CCDC40: variants seen among roughly 807,000 people sequenced by gnomAD.
The protein encoded by CCDC40 is coiled-coil domain-containing protein 40.
Under a neutral mutation model 124.5 loss-of-function variants are expected in CCDC40, and 104 were observed. The ratio of observed to expected loss-of-function variants is 0.84; its 90% CI spans 0.71 to 0.98. CCDC40 has a LOEUF of 0.98. Ranked by LOEUF, CCDC40 falls within the 50% of genes least tolerant of loss-of-function variation. The probability of loss-of-function intolerance (pLI) is 0.00; values close to 1 mark genes in which losing one functional copy is unlikely to be tolerated. For synonymous variants in CCDC40, 580 were observed against 602.9 expected, an observed-to-expected ratio of 0.96 and a Z score of 0.56; for missense variants, 1,463 against 1,503.9, an observed-to-expected ratio of 0.97 and a Z score of 0.45.
intron 9 of CCDC40, among the ~76,000 whole-genome samples, chr17:80,059,683 C>T (rs1269558212): frequency 1.3e-5 from 2 of 152,050 alleles, no homozygotes; most frequent in East Asian, 3.9e-4. Context: ...CCTCAGCCTC[C>T]AGAGTGGCTG....
chr17:80,088,528 A>C, intron 16 of CCDC40: 1 of 289,896 alleles, frequency 3.4e-6, no homozygotes. Context: ...CTGGGATTAC[A>C]TTCATGAGCC....
At chr17:80,064,567 G>A (rs1290451662) in intron 9 of CCDC40, among the ~76,000 whole-genome samples, 9 of 152,112 alleles carry the variant, frequency 5.9e-5, no homozygotes, top group Admixed American at 3.3e-4. Context: ...AGGCACAGCG[G>A]GTGAGATTCA....
intron 9 of CCDC40, among the ~76,000 whole-genome samples, chr17:80,059,424 G>T (rs2037839631): frequency 6.6e-6 from 1 of 150,760 alleles, no homozygotes; most frequent in African/African-American, 2.4e-5. Context: ...GGTGAAAGCT[G>T]CTCCCTCTTG....
rs1318903980 is a variant in CCDC40 at position 80,066,037 on chromosome 17, C to T, written c.1562+431C>T. 1 of 696,594 alleles carries T rather than the reference C, an allele frequency of 1.4e-6. No individual in the cohort carries two copies. Among genetic ancestry groups the T allele is most frequent in the East Asian group, 2.7e-5 (1 of 37,160 alleles). The allele number at this position is 696,594 out of a possible 1,614,324, so 43.2% of individuals were successfully genotyped here. ...AAGGAAGGGGAGGAAGAGGCCTCCT[C>T]TGGGCATCCCCTCACTTCTGGGGAT... is the stretch of plus-strand genomic sequence containing the variant. On this transcript the variant is annotated intron_variant, in intron 10 of 19. Transcript: ENST00000397545. The surrounding 1 kb of genome is among the most constrained non-coding windows in gnomAD (Gnocchi z 4.4).
Position 80,049,058 on chromosome 17 carries a change from A to G in CCDC40, c.855+297A>G, listed in dbSNP as rs28645791. The stretch of plus-strand genomic sequence containing the variant: ...ACAGCATCCCCGAGCTCCCCCTGCT[A>G]CATGCCAGGAGCACCACCCCCCCGC... On this transcript the variant is annotated intron_variant, in intron 5 of 19. Transcript: ENST00000397545. 0.32 allele frequency among the ~76,000 whole-genome samples: 48,371 copies of G among 151,570 alleles called. 10,484 individuals carry two copies. Among genetic ancestry groups the G allele is most frequent in the African/African-American group, 0.62 (25,656 of 41,214 alleles).
Position 80,084,781 on chromosome 17 carries a change from G to A in CCDC40, c.2028G>A (p.Gln676=). Residue 676 remains glutamine, a synonymous_variant, in exon 13 of 20, where the codon CAG becomes CAA. Transcript: ENST00000397545. ...HLSKINGDIA[Q]TTLDITHTSS... is the part of the protein sequence containing the mutation. Reference sequence around the variant, plus strand: ...CCAAAATCAACGGTGACATTGCCCAGACCACCCTGGACATCACACACACCA... The same window carrying A: ...CCAAAATCAACGGTGACATTGCCCAAACCACCCTGGACATCACACACACCA... The A allele has an allele frequency of 6.2e-7, 1 of 1,614,126 alleles. No homozygotes were observed. Among genetic ancestry groups the A allele is most frequent in the Non-Finnish European group, 8.5e-7 (1 of 1,180,022 alleles).
chr17:80,095,410 A>G lies in CCDC40; in HGVS notation c.2980A>G (p.Lys994Glu). The G allele has an allele frequency of 1.2e-6, 2 of 1,614,150 alleles. No individual in the cohort carries two copies. The highest frequency in any genetic ancestry group is 1.7e-6 in the Non-Finnish European group (2 of 1,180,032). Residue 994 changes from lysine (K) to glutamate (E), a missense_variant, in exon 18 of 20, where the codon AAG becomes GAG. Coordinates refer to ENST00000397545, the MANE Select transcript of CCDC40 (RefSeq NM_017950.4). ...GCTCACCCGCACCGACTTCCACCAC[A>G]AGCAGCTTGAGCTGCGCCGGAAAAT... ...KALTRTDFHH[K>E]QLELRRKIRD... is the part of the protein sequence containing the mutation.
At chr17:80,083,977 A>G (rs1439948823) in intron 12 of CCDC40, among the ~76,000 whole-genome samples, 1 of 152,208 alleles carries the variant, frequency 6.6e-6, no homozygotes, top group African/African-American at 2.4e-5. Flanking sequence ...GTGTGATCCT[A>G]TTTTTATTTT....
intron 17 of CCDC40, chr17:80,090,743 T>C: frequency 7.2e-7 from 1 of 1,391,042 alleles, no homozygotes; most frequent in East Asian, 2.8e-5. Context: ...GTCATCAAGC[T>C]AAAGGTTCAG....
chr17:80,083,790 C>T lies in CCDC40; in HGVS notation c.1990-953C>T, dbSNP rs558613623. Among the ~76,000 whole-genome samples, 11 of 152,362 alleles carry T rather than the reference C, an allele frequency of 7.2e-5. No homozygotes were observed. In the East Asian group the frequency reaches 1.4e-3, roughly 19 times the overall value. The stretch of plus-strand genomic sequence containing the variant: ...GCCAGCACTGGCGGCTCAGACCTGC[C>T]GGACAGCAGGAGGGGTCAGAACGCA... On this transcript the variant is annotated intron_variant, in intron 12 of 19. Coordinates refer to ENST00000397545, the MANE Select transcript of CCDC40 (RefSeq NM_017950.4).
Position 80,089,810 on chromosome 17 carries a change from A to G in CCDC40, c.2758A>G (p.Met920Val), listed in dbSNP as rs2038664262. 2 of 1,614,126 alleles carry G rather than the reference A, an allele frequency of 1.2e-6. No individual in the cohort carries two copies. Among genetic ancestry groups the G allele is most frequent in the African/African-American group, 2.7e-5 (2 of 74,944 alleles). ...WEKKIQLAKEMRSSVDSEIGQ... is the reference protein window; with the variant it reads ...WEKKIQLAKEVRSSVDSEIGQ... Reference sequence around the variant, plus strand: ...GAAAAAAATCCAACTGGCAAAAGAGATGCGTTCCTCAGTGGATTCCGAGAT... The same window carrying G: ...GAAAAAAATCCAACTGGCAAAAGAGGTGCGTTCCTCAGTGGATTCCGAGAT... The change falls in exon 17 of 20, where the codon ATG (methionine) becomes GTG (valine). Residue 920 changes from methionine (M) to valine (V), a missense_variant. Met to Val is a conservative substitution (Grantham distance 21). Transcript: ENST00000397545.
At chr17:80,080,126 T>C (rs1394342391) in intron 10 of CCDC40, among the ~76,000 whole-genome samples, 12 of 151,742 alleles carry the variant, frequency 7.9e-5, no homozygotes, top group Admixed American at 7.9e-4. Flanking sequence ...TTGAGTGGCT[T>C]GAGGCTGCAG....
At position 80,040,121 on chromosome 17, in the gene CCDC40, G is replaced by A. The variant is rs1411060210; in HGVS notation, c.403G>A (p.Glu135Lys). The change falls in exon 3 of 20, where the codon GAG becomes AAG. Residue 135 changes from glutamate (E) to lysine (K), a missense_variant. Transcript: ENST00000397545. ...GEEAYDSVSG[E>K]AGLQGFQQEA... ...GGAGGCATACGATAGTGTTAGCGGGGAGGCTGGTCTCCAAGGCTTCCAGCA... is the reference window on the plus strand; with the variant it reads ...GGAGGCATACGATAGTGTTAGCGGGAAGGCTGGTCTCCAAGGCTTCCAGCA... The A allele has an allele frequency of 5.6e-6, 9 of 1,614,162 alleles. No individual in the cohort carries two copies. The highest frequency in any genetic ancestry group is 2.5e-6 in the Non-Finnish European group (3 of 1,180,032).
Position 80,066,329 on chromosome 17 carries a change from G to A in CCDC40, c.1562+723G>A, listed in dbSNP as rs778281083. On this transcript the variant is annotated intron_variant, in intron 10 of 19. Coordinates refer to ENST00000397545, the MANE Select transcript of CCDC40 (RefSeq NM_017950.4). The surrounding 1 kb of genome is among the most constrained non-coding windows in gnomAD (Gnocchi z 4.4). ...CTGGCCCCACAGCACCCGCAGCCAGGCAGCCAGCAGCAGTCACACAACCAG... is the reference window on the plus strand; with the variant it reads ...CTGGCCCCACAGCACCCGCAGCCAGACAGCCAGCAGCAGTCACACAACCAG... 1.9e-5 allele frequency: 11 copies of A among 581,318 alleles called. No homozygotes were observed. The highest frequency in any genetic ancestry group is 2.8e-5 in the Non-Finnish European group (9 of 323,870). The allele number at this position is 581,318 out of a possible 1,614,324, so 36.0% of individuals were successfully genotyped here.
Position 80,040,075 on chromosome 17 carries a change from T to C in CCDC40, c.357T>C (p.Pro119=), listed in dbSNP as rs1277157180. Reference sequence around the variant, plus strand: ...ATACGACTTACCCGTATTTCAGTCCTCCTCAGGAACTGCCTGGAGAGGAGG... The same window carrying C: ...ATACGACTTACCCGTATTTCAGTCCCCCTCAGGAACTGCCTGGAGAGGAGG... ...AADTTYPYFS[P]PQELPGEEAY... The change falls in exon 3 of 20, where the codon CCT becomes CCC. Residue 119 remains proline, a synonymous_variant. Transcript: ENST00000397545. 2.5e-5 allele frequency: 41 copies of C among 1,614,174 alleles called. No individual in the cohort carries two copies. Among genetic ancestry groups the C allele is most frequent in the Non-Finnish European group, 3.4e-5 (40 of 1,180,004 alleles).
intron 9 of CCDC40, among the ~76,000 whole-genome samples, chr17:80,060,860 G>A (rs1424851529): frequency 6.6e-6 from 1 of 152,188 alleles, no homozygotes; most frequent in Non-Finnish European, 1.5e-5. Context: ...AATGATGTCG[G>A]GACATTTGGT....
chr17:80,041,034 G>A (rs1330245072), intron 3 of CCDC40, among the ~76,000 whole-genome samples: 1 of 152,186 alleles, frequency 6.6e-6, no homozygotes, highest in Non-Finnish European at 1.5e-5. Flanking sequence ...CAATAGCTGC[G>A]TTCTTATATT....
chr17:80,084,838 G>A lies in CCDC40; in HGVS notation c.2085G>A (p.Leu695=), dbSNP rs371963548. The change falls in exon 13 of 20, where the codon CTG becomes CTA. Residue 695 remains leucine (L), a synonymous_variant. Transcript: ENST00000397545. ...SSRLDAHQKT[L]VELDQDVKKV... ...GGCTGGACGCACACCAGAAGACCCT[G>A]GTGGAGCTGGACCAGGACGTGAAGA... 1 of 1,614,178 alleles carries A rather than the reference G, an allele frequency of 6.2e-7. No homozygotes were observed. The highest frequency in any genetic ancestry group is 8.5e-7 in the Non-Finnish European group (1 of 1,180,040).
At chr17:80,078,486 G>C (rs898425526) in intron 10 of CCDC40, among the ~76,000 whole-genome samples, 1 of 152,154 alleles carries the variant, frequency 6.6e-6, no homozygotes, top group African/African-American at 2.4e-5. Context: ...TCCAGGCTCA[G>C]GTTTTGTGTG....
Sources: allele counts gnomAD v4.1 joint callset (sites outside exome capture counted in the v4.1 genomes callset), GRCh38; gene constraint gnomAD v4.1.1; non-coding constraint Gnocchi (gnomAD v3.1); transcripts MANE v1.5; gene names NCBI Gene and HGNC (gene_info 2026-07-23, HGNC 2026-07-21).